LRP1B: variants seen among roughly 807,000 people sequenced by gnomAD.
LRP1B encodes LDL receptor related protein 1B, also known as low-density lipoprotein receptor-related protein 1B.
Under a neutral mutation model 556.6 loss-of-function variants are expected in LRP1B, and 217 were observed. The ratio of observed to expected loss-of-function variants is 0.39; its 90% CI spans 0.35 to 0.44. LRP1B has a LOEUF of 0.44. LRP1B is among the 20% of genes least tolerant of loss of function. The probability of loss-of-function intolerance (pLI) is 1.00; values close to 1 mark genes in which losing one functional copy is unlikely to be tolerated. For synonymous variants in LRP1B, 2,047 were observed against 1,865.8 expected (o/e 1.10, Z -2.50); for missense variants, 5,053 against 5,620.8 (o/e 0.90, Z 3.23).
chr2:140,769,266 G>A lies in LRP1B; in HGVS notation c.5705C>T (p.Ala1902Val), dbSNP rs771596895. 1 of 1,612,130 alleles carries A rather than the reference G, an allele frequency of 6.2e-7. No individual in the cohort carries two copies. Among genetic ancestry groups the A allele is most frequent in the Non-Finnish European group, 8.5e-7 (1 of 1,178,654 alleles). ...IPLEPSDKMDALMPISGTSFA... is the reference protein window; with the variant it reads ...IPLEPSDKMDVLMPISGTSFA... Reference sequence around the variant, plus strand: ...TGAAGTTCCTGATATAGGCATCAAAGCATCCATTTTGTCACTTGGTTCAAG... The same window carrying A: ...TGAAGTTCCTGATATAGGCATCAAAACATCCATTTTGTCACTTGGTTCAAG... The change falls in exon 35 of 91, where the codon GCT (alanine) becomes GTT (valine). Residue 1902 changes from alanine to valine, a missense_variant. Ala to Val is a moderately conservative substitution (Grantham distance 64, BLOSUM62 0). Coordinates refer to ENST00000389484, the MANE Select transcript of LRP1B (RefSeq NM_018557.3).
At chr2:141,605,646 A>G (rs1687891937) in intron 2 of LRP1B, among the ~76,000 whole-genome samples, 1 of 152,184 alleles carries the variant, frequency 6.6e-6, no homozygotes, top group African/African-American at 2.4e-5. Flanking sequence ...CTGCCACCAT[A>G]AACACACAGG....
At chr2:140,662,424 T>C (rs1685129533) in intron 41 of LRP1B, among the ~76,000 whole-genome samples, 1 of 151,984 alleles carries the variant, frequency 6.6e-6, no homozygotes, top group African/African-American at 2.4e-5. Flanking sequence ...AGGGTAATAA[T>C]ACAAGGGAAC....
intron 62 of LRP1B, among the ~76,000 whole-genome samples, chr2:140,452,978 T>TA (rs1573956200): frequency 6.7e-6 from 1 of 149,958 alleles, no homozygotes; most frequent in Non-Finnish European, 1.5e-5. Flanking sequence ...TTTTTTTTTT[T>TA]TATAAAATAG....
intron 2 of LRP1B, among the ~76,000 whole-genome samples, chr2:141,519,941 C>T (rs936152071): frequency 1.3e-5 from 2 of 152,000 alleles, no homozygotes; most frequent in Non-Finnish European, 2.9e-5. Context: ...GGTATGAAAG[C>T]CCGACAATAG....
At chr2:141,487,853 A>G (rs1683177768) in intron 2 of LRP1B, among the ~76,000 whole-genome samples, 1 of 152,200 alleles carries the variant, frequency 6.6e-6, no homozygotes, top group African/African-American at 2.4e-5. Context: ...AAAGACTTGA[A>G]TCTGAGTTTC....
At chr2:140,413,688 C>T (rs140208871) in intron 66 of LRP1B, among the ~76,000 whole-genome samples, 3 of 152,262 alleles carry the variant, frequency 2.0e-5, no homozygotes, top group African/African-American at 7.2e-5. Flanking sequence ...ATCTAGCTAT[C>T]ATATCATTTG....
chr2:140,444,726 A>G, intron 63 of LRP1B, 47 bp from the exon 64 acceptor site: 1 of 1,094,472 alleles, frequency 9.1e-7, no homozygotes, highest in South Asian at 1.3e-5. Context: ...CTTACCTCAC[A>G]ACTTCTTAAA....
chr2:142,053,194 CTT>C (rs1279496384), intron 1 of LRP1B, among the ~76,000 whole-genome samples: 1 of 152,064 alleles, frequency 6.6e-6, no homozygotes, highest in Non-Finnish European at 1.5e-5. Flanking sequence ...TCAAGCATGA[CTT>C]TGATATTTAT....
At chr2:141,299,067 T>A (rs1239945949) in intron 3 of LRP1B, among the ~76,000 whole-genome samples, 1 of 152,022 alleles carries the variant, frequency 6.6e-6, no homozygotes, top group East Asian at 1.9e-4. Flanking sequence ...GGGAACTGCT[T>A]TGGAAAACTA....
At chr2:141,592,804 T>C (rs535494728) in intron 2 of LRP1B, among the ~76,000 whole-genome samples, 36 of 152,252 alleles carry the variant, frequency 2.4e-4, no homozygotes, top group South Asian at 1.0e-3. Context: ...GCAACTGTTG[T>C]TACAAATAGA....
At chr2:140,298,387 C>A (rs1478234885) in intron 83 of LRP1B, among the ~76,000 whole-genome samples, 1 of 152,070 alleles carries the variant, frequency 6.6e-6, no homozygotes, top group Non-Finnish European at 1.5e-5. Flanking sequence ...ACATCATCTA[C>A]CAACCACTGC....
At chr2:141,066,297 T>C (rs1414587686) in intron 7 of LRP1B, among the ~76,000 whole-genome samples, 1 of 151,990 alleles carries the variant, frequency 6.6e-6, no homozygotes, top group East Asian at 1.9e-4. Context: ...GACATCTTTG[T>C]GATTATATGA....
chr2:141,256,562 G>A (rs1323593498), intron 3 of LRP1B, among the ~76,000 whole-genome samples: 1 of 151,962 alleles, frequency 6.6e-6, no homozygotes, highest in Non-Finnish European at 1.5e-5. Flanking sequence ...AGTAAAGGAA[G>A]AAAAGCTATC....
intron 49 of LRP1B, among the ~76,000 whole-genome samples, chr2:140,525,101 A>C (rs1383330912): frequency 2.0e-5 from 3 of 151,906 alleles, no homozygotes; most frequent in African/African-American, 7.2e-5. Flanking sequence ...AAATTGTTTA[A>C]AAATTATTAT....
At chr2:140,618,459 T>C (rs1683332787) in intron 41 of LRP1B, among the ~76,000 whole-genome samples, 1 of 152,048 alleles carries the variant, frequency 6.6e-6, no homozygotes, top group Non-Finnish European at 1.5e-5. Context: ...AATTGTGTGA[T>C]AGAAAATGGA....
chr2:140,602,940 G>T (rs569605531), intron 41 of LRP1B, among the ~76,000 whole-genome samples: 1 of 151,866 alleles, frequency 6.6e-6, no homozygotes, highest in South Asian at 2.1e-4. Flanking sequence ...ATAGTCACAG[G>T]GCTGATAATA....
Position 140,723,419 on chromosome 2 carries a change from T to C in LRP1B, c.5759-6603A>G, listed in dbSNP as rs148329077. 9.2e-5 allele frequency among the ~76,000 whole-genome samples: 14 copies of C among 152,246 alleles called. 1 individual carries two copies. In the East Asian group the frequency reaches 2.7e-3, roughly 29 times the overall value. Reference sequence around the variant, plus strand: ...ATGGGCAAGGAAAAAATTTTGAAGATGAAAAGACTTTGAGAATTATTGACT... The same window carrying C: ...ATGGGCAAGGAAAAAATTTTGAAGACGAAAAGACTTTGAGAATTATTGACT... On this transcript the variant is annotated intron_variant, in intron 35 of 90. Coordinates refer to ENST00000389484, the MANE Select transcript of LRP1B (RefSeq NM_018557.3).
chr2:140,840,097 AGACATATG>A lies in LRP1B; in HGVS notation c.5115-20_5115-13del, dbSNP rs1692052824. ...TCCAGTAGAGTTTTCTTAATTCAAAAGACATATGGATTGAAAATATTAGATGTAGACCT... is the reference window on the plus strand; with the variant it reads ...TCCAGTAGAGTTTTCTTAATTCAAAAGATTGAAAATATTAGATGTAGACCT... On this transcript the variant is annotated splice_polypyrimidine_tract_variant and intron_variant, in intron 30 of 90. Coordinates refer to ENST00000389484, the MANE Select transcript of LRP1B (RefSeq NM_018557.3). The A allele has an allele frequency of 6.6e-7, 1 of 1,511,302 alleles. No individual in the cohort carries two copies. The highest frequency in any genetic ancestry group is 1.4e-5 in the African/African-American group (1 of 71,776). The allele number at this position is 1,511,302 out of a possible 1,614,324, so 93.6% of individuals were successfully genotyped here.
chr2:140,463,133 A>T (rs1051114904), intron 60 of LRP1B, among the ~76,000 whole-genome samples: 3 of 152,176 alleles, frequency 2.0e-5, no homozygotes, highest in Non-Finnish European at 4.4e-5. Context: ...GTAGAAAGTG[A>T]TTTAACGTGA....
Sources: allele counts gnomAD v4.1 joint callset (sites outside exome capture counted in the v4.1 genomes callset), GRCh38; gene constraint gnomAD v4.1.1; transcripts MANE v1.5; gene names NCBI Gene and HGNC (gene_info 2026-07-23, HGNC 2026-07-21).